MGA: variants seen among roughly 807,000 people sequenced by gnomAD.
MGA encodes the protein MAX dimerization protein MGA, also known as MAX gene-associated protein.
Under a neutral mutation model 261.1 loss-of-function variants are expected in MGA, and 40 were observed. The observed-to-expected ratio is 0.15, with a 90% confidence interval of 0.12 to 0.20. The LOEUF (loss-of-function observed/expected upper bound fraction) is 0.20. Ranked by LOEUF, MGA falls within the 10% of genes least tolerant of loss-of-function variation. The probability of loss-of-function intolerance (pLI) is 1.00; values close to 1 mark genes in which losing one functional copy is unlikely to be tolerated. For synonymous variants in MGA, 1,302 were observed against 1,290.6 expected, an observed-to-expected ratio of 1.01 and a Z score of -0.19; for missense variants, 3,397 against 3,630.5, an observed-to-expected ratio of 0.94 and a Z score of 1.65.
chr15:41,690,516 C>T (rs553655486), intron 2 of MGA, among the ~76,000 whole-genome samples: 1 of 152,230 alleles, frequency 6.6e-6, no homozygotes, highest in South Asian at 2.1e-4. Flanking sequence ...TATTTCTGGA[C>T]TCTCAATTCT....
rs2061993048 is a variant in MGA at position 41,739,831 on chromosome 15, G to A, written c.4435-222G>A. On this transcript the variant is annotated intron_variant, in intron 13 of 23. Coordinates refer to ENST00000219905, the MANE Select transcript of MGA (RefSeq NM_001164273.2). Reference sequence around the variant, plus strand: ...TAGACTTATGAAAACTTGTAAAAATGAAGCCCCTGTCAAGGGAGAGGAGTT... The same window carrying A: ...TAGACTTATGAAAACTTGTAAAAATAAAGCCCCTGTCAAGGGAGAGGAGTT... 3 of 1,398,402 alleles carry A rather than the reference G, an allele frequency of 2.1e-6. No individual in the cohort carries two copies. In the South Asian group the frequency reaches 4.1e-5, roughly 19 times the overall value. The allele number at this position is 1,398,402 out of a possible 1,614,324, so 86.6% of individuals were successfully genotyped here. A position where few individuals can be genotyped will look rare whatever the true frequency, so the allele number is the denominator to read the frequency against.
intron 9 of MGA, chr15:41,718,404 G>C: frequency 8.2e-7 from 1 of 1,212,848 alleles, no homozygotes; most frequent in African/African-American, 1.5e-5. Flanking sequence ...AATTCCATTC[G>C]TCAGGGCAAA....
At chr15:41,697,068 C>T (rs760189111) in intron 3 of MGA, 45 bp downstream of exon 3, 2 of 1,390,992 alleles carry the variant, frequency 1.4e-6, no homozygotes, top group Non-Finnish European at 9.6e-7. Context: ...ATTAGTCATA[C>T]TTGAATTGTA....
intron 1 of MGA, among the ~76,000 whole-genome samples, chr15:41,638,512 T>G (rs1278534904): frequency 2.0e-5 from 3 of 151,540 alleles, no homozygotes; most frequent in Admixed American, 2.0e-4. Context: ...ACCACAGGCA[T>G]GTACCACCAC....
chr15:41,694,395 C>T (rs1334925246), intron 2 of MGA, among the ~76,000 whole-genome samples: 3 of 151,320 alleles, frequency 2.0e-5, no homozygotes, highest in Non-Finnish European at 2.9e-5. Context: ...AAGACCCCAT[C>T]TCAGGGAAAA....
chr15:41,699,212 A>G, intron 5 of MGA, 53 bp downstream of exon 5: 1 of 1,173,352 alleles, frequency 8.5e-7, no homozygotes. Context: ...TTTCTTCCCT[A>G]CTGTTTCTCC....
At chr15:41,705,522 C>T (rs1372017040) in intron 5 of MGA, among the ~76,000 whole-genome samples, 1 of 152,142 alleles carries the variant, frequency 6.6e-6, no homozygotes, top group East Asian at 1.9e-4. Context: ...CCATTACACC[C>T]AGCTAATTTT....
rs1323606995 is a variant in MGA at position 41,727,275 on chromosome 15, A to G, written c.3526A>G (p.Thr1176Ala). 2.5e-6 allele frequency: 4 copies of G among 1,613,802 alleles called. No individual in the cohort carries two copies. Among genetic ancestry groups the G allele is most frequent in the Non-Finnish European group, 3.4e-6 (4 of 1,179,864 alleles). The change falls in exon 10 of 24, where the codon ACG becomes GCG. Residue 1176 changes from threonine (T) to alanine (A), a missense_variant. Coordinates refer to ENST00000219905, the MANE Select transcript of MGA (RefSeq NM_001164273.2). ...AGATCCAGAACCAGTTTATATCCCCACGCCTTCTGTCATTGAGCCTATGAA... is the reference window on the plus strand; with the variant it reads ...AGATCCAGAACCAGTTTATATCCCCGCGCCTTCTGTCATTGAGCCTATGAA...
At chr15:41,764,625 C>T (rs1175725906) in intron 22 of MGA, among the ~76,000 whole-genome samples, 2 of 152,092 alleles carry the variant, frequency 1.3e-5, no homozygotes, top group Non-Finnish European at 2.9e-5. Context: ...CCTTGACCTC[C>T]TGGGCTTAAG....
chr15:41,744,386 G>A (rs1246405636), intron 15 of MGA, among the ~76,000 whole-genome samples: 2 of 151,822 alleles, frequency 1.3e-5, no homozygotes, highest in African/African-American at 4.8e-5. Flanking sequence ...TGTATTTTCA[G>A]TAGAGACGAG....
intron 2 of MGA, among the ~76,000 whole-genome samples, chr15:41,694,314 G>A (rs1435946697): frequency 6.6e-6 from 1 of 152,014 alleles, no homozygotes; most frequent in African/African-American, 2.4e-5. Context: ...TGTTCGGGAG[G>A]CCAAGGCAGG....
intron 1 of MGA, among the ~76,000 whole-genome samples, chr15:41,625,578 G>T (rs989059640): frequency 1.6e-4 from 25 of 152,080 alleles, no homozygotes; most frequent in Non-Finnish European, 3.1e-4. Context: ...GCTTGGTGTG[G>T]TGGCACATGC....
chr15:41,674,136 C>T (rs1340683675), intron 2 of MGA, among the ~76,000 whole-genome samples: 1 of 152,120 alleles, frequency 6.6e-6, no homozygotes, highest in East Asian at 1.9e-4. Flanking sequence ...AGGTGACCCA[C>T]CTACCTCAGC....
intron 22 of MGA, 64 bp downstream of exon 22, chr15:41,762,426 C>A: frequency 2.0e-6 from 2 of 1,024,602 alleles, no homozygotes; most frequent in South Asian, 1.7e-5. Flanking sequence ...AGTGGACTGA[C>A]CACCTTCTCT....
Position 41,696,863 on chromosome 15 carries a change from G to A in MGA, c.1853G>A (p.Arg618Gln), listed in dbSNP as rs769469171. 18 of 1,597,788 alleles carry A rather than the reference G, an allele frequency of 1.1e-5. No homozygotes were observed. Among genetic ancestry groups the A allele is most frequent in the South Asian group, 4.5e-5 (4 of 88,346 alleles). Residue 618 changes from arginine to glutamine, a missense_variant, in exon 3 of 24, where the codon CGA becomes CAA. By Grantham distance (43) the Arg-to-Gln change is conservative (BLOSUM62 1). Around this residue, in one of 9 missense-constraint regions of MGA, gnomAD observed 563 missense variants for 563.6 expected, o/e 1.00. Coordinates refer to ENST00000219905, the MANE Select transcript of MGA (RefSeq NM_001164273.2). ...GTCCCTGGAAAAAGAGGAAGGCCAC[G>A]AAAATTGAAACTCTGTAAGGCAGGA...
intron 5 of MGA, among the ~76,000 whole-genome samples, chr15:41,700,870 T>A (rs2059816244): frequency 6.6e-6 from 1 of 152,230 alleles, no homozygotes; most frequent in South Asian, 2.1e-4. Flanking sequence ...TATAAGTAGT[T>A]CATTTACCTG....
At chr15:41,752,468 CATG>C (rs1473875454) in intron 17 of MGA, 1 of 149,458 alleles carries the variant, frequency 6.7e-6, no homozygotes, top group Non-Finnish European at 1.5e-5. Flanking sequence ...CCCAAGTTAA[CATG>C]AGACCAAAAA....
intron 19 of MGA, among the ~76,000 whole-genome samples, chr15:41,759,472 T>C (rs2063334162): frequency 6.7e-6 from 1 of 148,214 alleles, no homozygotes; most frequent in South Asian, 2.1e-4. Context: ...GTATTTTTTT[T>C]TTTTTTTTTT....
chr15:41,722,122 A>ATTT (rs35690314), intron 9 of MGA, among the ~76,000 whole-genome samples: 9 of 87,736 alleles, frequency 1.0e-4, no homozygotes, highest in African/African-American at 1.4e-4. Context: ...AAGTAGGCCA[A>ATTT]TTTTTTTTTT....
Sources: allele counts gnomAD v4.1 joint callset (sites outside exome capture counted in the v4.1 genomes callset), GRCh38; gene constraint gnomAD v4.1.1; regional missense constraint gnomAD v4.1.1; transcripts MANE v1.5; gene names NCBI Gene and HGNC (gene_info 2026-07-23, HGNC 2026-07-21).